Variants in GALNT5 observed in about 807,000 individuals in gnomAD.
GALNT5 encodes polypeptide N-acetylgalactosaminyltransferase 5, also known as UDP-GalNAc:polypeptide N-acetylgalactosaminyltransferase 5.
GALNT5 carries 72 observed loss-of-function variants against 85.4 expected under a neutral mutation model. The observed-to-expected ratio is 0.84, with a 90% CI of 0.70 to 1.03. GALNT5 has a LOEUF of 1.03. Ranked by LOEUF, GALNT5 falls within the 50% of genes least tolerant of loss-of-function variation. The pLI is 0.00. For synonymous variants in GALNT5, 404 were observed against 397.0 expected (o/e 1.02, Z -0.21); for missense variants, 1,137 against 1,135.5 (o/e 1.00, Z -0.02).
chr2:157,299,795 C>T (rs1683300892), intron 6 of GALNT5, 130 bp downstream of exon 6: 1 of 508,326 alleles, frequency 2.0e-6, no homozygotes, highest in African/African-American at 1.9e-5. Flanking sequence ...TTTAGGGTCT[C>T]TGGATTAATT....
intron 1 of GALNT5, among the ~76,000 whole-genome samples, chr2:157,281,306 C>T (rs576423063): frequency 6.6e-6 from 1 of 152,290 alleles, no homozygotes; most frequent in Admixed American, 6.5e-5. Context: ...CTCAAGTGAT[C>T]CACCCACCCC....
intron 9 of GALNT5, 57 bp downstream of exon 9, chr2:157,308,785 G>A (rs1683508518): frequency 1.4e-6 from 2 of 1,396,396 alleles, no homozygotes; most frequent in African/African-American, 1.4e-5. Context: ...GATCAAATAG[G>A]ACATAAAATT....
At chr2:157,286,545 C>T (rs937934609) in intron 3 of GALNT5, among the ~76,000 whole-genome samples, 1 of 152,030 alleles carries the variant, frequency 6.6e-6, no homozygotes, top group African/African-American at 2.4e-5. Context: ...GCTCTGTCAC[C>T]CAGGCTGGAG....
intron 2 of GALNT5, among the ~76,000 whole-genome samples, chr2:157,285,007 T>C (rs1176093083): frequency 6.6e-6 from 1 of 152,206 alleles, no homozygotes. Context: ...CTTATTACAG[T>C]GAAGAATCTC....
chr2:157,295,699 G>C lies in GALNT5; in HGVS notation c.1778G>C (p.Cys593Ser). Residue 593 changes from cysteine (C) to serine (S), a missense_variant, in exon 4 of 10, where the codon TGT becomes TCT. Cys to Ser is a moderately radical substitution (Grantham distance 112). Coordinates refer to ENST00000259056, the MANE Select transcript of GALNT5 (RefSeq NM_014568.3). ...VLTFLDSHVE[C>S]NVGWLEPLLE... ...ACATTTTTAGATTCTCATGTGGAATGTAACGTTGGTTGGTTGGAACCTCTT... is the reference window on the plus strand; with the variant it reads ...ACATTTTTAGATTCTCATGTGGAATCTAACGTTGGTTGGTTGGAACCTCTT... 1.2e-6 allele frequency: 2 copies of C among 1,612,982 alleles called. No individual in the cohort carries two copies. Among genetic ancestry groups the C allele is most frequent in the Non-Finnish European group, 1.7e-6 (2 of 1,179,076 alleles).
At chr2:157,294,504 T>C (rs187747413) in intron 3 of GALNT5, among the ~76,000 whole-genome samples, 1 of 152,148 alleles carries the variant, frequency 6.6e-6, no homozygotes, top group Non-Finnish European at 1.5e-5. Flanking sequence ...GCAGAGGTTT[T>C]GGCCTGAATG....
At chr2:157,288,880 T>C (rs1683032145) in intron 3 of GALNT5, among the ~76,000 whole-genome samples, 1 of 152,106 alleles carries the variant, frequency 6.6e-6, no homozygotes, top group Non-Finnish European at 1.5e-5. Context: ...TCATAGATTG[T>C]GCACATGGAA....
rs1222481492 is a variant in GALNT5, at chr2:157,300,779, C to T, written c.2219C>T (p.Thr740Ile). The change falls in exon 7 of 10, where the codon ACA becomes ATA. Residue 740 changes from threonine to isoleucine, a missense_variant. Physicochemically the swap from Thr to Ile is moderately conservative, Grantham distance 89. Transcript: ENST00000259056. Reference sequence around the variant, plus strand: ...TCCTTCCCCAAAGACCGGATGAAGACAGTGGAGCGGAACTTGGTGCGGGTT... The same window carrying T: ...TCCTTCCCCAAAGACCGGATGAAGATAGTGGAGCGGAACTTGGTGCGGGTT... ...PYSFPKDRMK[T>I]VERNLVRVAE... 7 of 1,613,948 alleles carry T rather than the reference C, an allele frequency of 4.3e-6. No homozygotes were observed. Among genetic ancestry groups the T allele is most frequent in the Non-Finnish European group, 5.9e-6 (7 of 1,179,888 alleles).
chr2:157,294,784 C>T (rs940419571), intron 3 of GALNT5, among the ~76,000 whole-genome samples: 2 of 146,928 alleles, frequency 1.4e-5, no homozygotes, highest in Non-Finnish European at 3.0e-5. Flanking sequence ...TCACATCACA[C>T]CACACACACA....
chr2:157,278,712 G>A (rs192502890), intron 1 of GALNT5, among the ~76,000 whole-genome samples: 7 of 152,102 alleles, frequency 4.6e-5, no homozygotes, highest in African/African-American at 7.2e-5. Context: ...TTAGCCATTC[G>A]TCTAGTGTTT....
intron 1 of GALNT5, among the ~76,000 whole-genome samples, chr2:157,280,916 G>A (rs1010753266): frequency 3.3e-5 from 5 of 152,044 alleles, no homozygotes; most frequent in Admixed American, 6.6e-5. Context: ...CTCCCACTTC[G>A]TCTTCTGCCA....
intron 1 of GALNT5, among the ~76,000 whole-genome samples, chr2:157,270,588 C>A (rs183631668): frequency 1.1e-3 from 173 of 152,258 alleles, no homozygotes; most frequent in African/African-American, 4.1e-3. Flanking sequence ...AATATTTCTT[C>A]CACTATTTAA....
Position 157,318,395 on chromosome 2 carries a change from T to C in GALNT5, c.*7047T>C, listed in dbSNP as rs534106402. Among the ~76,000 whole-genome samples the C allele has an allele frequency of 6.6e-5, 10 of 152,290 alleles. No individual in the cohort carries two copies. Among genetic ancestry groups the C allele is most frequent in the South Asian group, 2.1e-4 (1 of 4,830 alleles). ...CTTAAAAAATGATAAAAATTTTTCA[T>C]GTATATTACATATCTACCTACCAGA... On this transcript the variant is annotated 3_prime_UTR_variant, in exon 10 of 10. Coordinates refer to ENST00000259056, the MANE Select transcript of GALNT5 (RefSeq NM_014568.3).
At position 157,258,820 on chromosome 2, in the gene GALNT5, G is replaced by A. The variant is rs1355086406; in HGVS notation, c.738G>A (p.Val246=). The A allele has an allele frequency of 3.1e-6, 5 of 1,592,644 alleles. No homozygotes were observed. The Admixed American group carries it at 8.8e-5, about 28-fold the overall frequency. The change falls in exon 1 of 10, where the codon GTG becomes GTA. Residue 246 remains valine, a synonymous_variant. Coordinates refer to ENST00000259056, the MANE Select transcript of GALNT5 (RefSeq NM_014568.3). ...NERAHPASTA[V]PKSGEAMALN... ...GGGCACACCCTGCCAGCACAGCAGT[G>A]CCGAAGTCTGGGGAAGCCATGGCCT...
rs1419387091 is a variant in GALNT5, at chr2:157,316,553, C to A, written c.*5205C>A. 6.6e-6 allele frequency among the ~76,000 whole-genome samples: 1 copy of A among 151,992 alleles called. No homozygotes were observed. Among genetic ancestry groups the A allele is most frequent in the Non-Finnish European group, 1.5e-5 (1 of 67,988 alleles). Reference sequence around the variant, plus strand: ...CATTGTGTAGGTTGTCACTACTGTGCTTTTGCAACAACTTTTGCATGGGTT... The same window carrying A: ...CATTGTGTAGGTTGTCACTACTGTGATTTTGCAACAACTTTTGCATGGGTT... On this transcript the variant is annotated 3_prime_UTR_variant, in exon 10 of 10. Coordinates refer to ENST00000259056, the MANE Select transcript of GALNT5 (RefSeq NM_014568.3).
rs1682217261 is a variant in GALNT5, at chr2:157,257,706, A to T, written c.-377A>T. 2 of 219,262 alleles carry T rather than the reference A, an allele frequency of 9.1e-6. No individual in the cohort carries two copies. The highest frequency in any genetic ancestry group is 1.8e-5 in the Non-Finnish European group (2 of 110,038). 13.6% of individuals were successfully genotyped at this position (219,262 alleles called of 1,614,324 possible). A position where few individuals can be genotyped will look rare whatever the true frequency, so the allele number is the denominator to read the frequency against. The stretch of plus-strand genomic sequence containing the variant: ...GGGGAGGAGAGAAACGGCAGTCTCA[A>T]TCTGGCCCCCACCTTTTCTTGGGCT... On this transcript the variant is annotated 5_prime_UTR_variant, in exon 1 of 10. Transcript: ENST00000259056.
chr2:157,298,378 A>G (rs1683261175), intron 5 of GALNT5, among the ~76,000 whole-genome samples: 1 of 152,122 alleles, frequency 6.6e-6, no homozygotes, highest in Non-Finnish European at 1.5e-5. Flanking sequence ...TACTCTCCCT[A>G]CAGCCCTCCC....
intron 5 of GALNT5, chr2:157,298,943 C>T (rs1398287509): frequency 1.1e-3 from 1 of 924 alleles, no homozygotes; most frequent in Non-Finnish European, 2.5e-3. Context: ...GACGGAAGAC[C>T]GGAAGACCGG....
Position 157,295,723 on chromosome 2 carries a change from T to G in GALNT5, c.1802T>G (p.Leu601Arg). 1 of 1,611,676 alleles carries G rather than the reference T, an allele frequency of 6.2e-7. No homozygotes were observed. Among genetic ancestry groups the G allele is most frequent in the Non-Finnish European group, 8.5e-7 (1 of 1,177,852 alleles). ...VECNVGWLEP[L>R]LERVYLSRKK... ...TGTAACGTTGGTTGGTTGGAACCTC[T>G]TCTGGAAAGAGTTTATTTAAGTAGA... Residue 601 changes from leucine (L) to arginine (R), a missense_variant, in exon 4 of 10, where the codon CTT becomes CGT. Transcript: ENST00000259056.
Sources: allele counts gnomAD v4.1 joint callset (sites outside exome capture counted in the v4.1 genomes callset), GRCh38; gene constraint gnomAD v4.1.1; transcripts MANE v1.5; gene names NCBI Gene and HGNC (gene_info 2026-07-23, HGNC 2026-07-21).